The following STK10 variants were observed in gnomAD, a reference collection of about 807,000 sequenced individuals.
STK10 encodes the protein serine/threonine kinase 10.
In STK10, 78 loss-of-function variants were observed where a neutral mutation model predicts 113.8. The observed-to-expected ratio is 0.69, with a 90% CI of 0.57 to 0.83. STK10 has a LOEUF of 0.83. Ranked by LOEUF, STK10 falls within the 40% of genes least tolerant of loss-of-function variation. The pLI is 0.00. For missense variants in STK10, 1,109 were observed against 1,280.1 expected, an observed-to-expected ratio of 0.87 and a Z score of 2.04; for synonymous variants, 465 against 494.7, an observed-to-expected ratio of 0.94 and a Z score of 0.80.
intron 2 of STK10, among the ~76,000 whole-genome samples, chr5:172,136,469 C>A (rs1769862098): frequency 6.6e-6 from 1 of 152,134 alleles, no homozygotes; most frequent in Non-Finnish European, 1.5e-5. Context: ...TGGTGGCAGG[C>A]ACCTGTAGTC....
chr5:172,064,591 G>A (rs1768024155), intron 13 of STK10, 129 bp downstream of exon 13: 1 of 916,004 alleles, frequency 1.1e-6, no homozygotes, highest in Non-Finnish European at 1.7e-6. Context: ...TGAAGGATGA[G>A]GCCAGATTTA....
At chr5:172,098,135 G>A (rs887611366) in intron 7 of STK10, among the ~76,000 whole-genome samples, 4 of 152,172 alleles carry the variant, frequency 2.6e-5, no homozygotes, top group African/African-American at 9.7e-5. Flanking sequence ...GATTGCTGGG[G>A]AAGTATTTAA....
intron 13 of STK10, among the ~76,000 whole-genome samples, chr5:172,062,921 T>A (rs527700126): frequency 3.9e-5 from 6 of 152,318 alleles, no homozygotes; most frequent in African/African-American, 1.2e-4. Context: ...ACCACAATTT[T>A]AAAAAATTAT....
In STK10 at chr5:172,042,696, A is replaced by T. The variant is rs1767404606; in HGVS notation, c.*2186T>A. On this transcript the variant is annotated 3_prime_UTR_variant, in exon 19 of 19. Transcript: ENST00000176763. ...CCCCAGCACCAATGCACCAAAGAGA[A>T]TAAAAGGAGACAATTGTTTCGCTTG... 1 of 152,276 alleles carries T rather than the reference A, an allele frequency of 6.6e-6. No homozygotes were observed. The allele number at this position is 152,276 out of a possible 1,614,324, so 9.4% of individuals were successfully genotyped here.
intron 4 of STK10, chr5:172,114,600 A>C (rs1467304624): frequency 6.9e-6 from 1 of 144,826 alleles, no homozygotes; most frequent in African/African-American, 2.6e-5. Context: ...CTCCTACCTC[A>C]GCCTCCCGAG....
At chr5:172,050,617 G>A (rs1767607305) in intron 18 of STK10, among the ~76,000 whole-genome samples, 1 of 152,068 alleles carries the variant, frequency 6.6e-6, no homozygotes, top group Non-Finnish European at 1.5e-5. Flanking sequence ...AACAAACTAA[G>A]GATATTTACT....
chr5:172,119,003 G>A (rs888919717), intron 3 of STK10, among the ~76,000 whole-genome samples: 1 of 152,016 alleles, frequency 6.6e-6, no homozygotes, highest in African/African-American at 2.4e-5. Context: ...CTGGCTGTTG[G>A]TGGTGGCACC....
At chr5:172,055,183 G>A (rs1484956468) in intron 16 of STK10, among the ~76,000 whole-genome samples, 1 of 152,068 alleles carries the variant, frequency 6.6e-6, no homozygotes, top group African/African-American at 2.4e-5. Flanking sequence ...CTTATGGCGG[G>A]TGGGTCGGAG....
intron 2 of STK10, among the ~76,000 whole-genome samples, chr5:172,141,905 T>C (rs897098304): frequency 5.3e-5 from 8 of 152,086 alleles, no homozygotes; most frequent in African/African-American, 1.4e-4. Flanking sequence ...CGTGTAAGGG[T>C]TGGGGCCTTG....
chr5:172,088,101 T>C (rs903106477), intron 10 of STK10, among the ~76,000 whole-genome samples: 6 of 151,920 alleles, frequency 3.9e-5, no homozygotes, highest in Non-Finnish European at 1.5e-5. Flanking sequence ...AATTTTTTTG[T>C]AGAGACACTA....
chr5:172,132,344 A>T (rs550045627), intron 2 of STK10, among the ~76,000 whole-genome samples: 1 of 152,114 alleles, frequency 6.6e-6, no homozygotes, highest in East Asian at 1.9e-4. Context: ...TAATTTTTTT[A>T]ATTTTTTTAA....
chr5:172,045,530 A>T (rs1240228914), intron 18 of STK10: 1 of 433,602 alleles, frequency 2.3e-6, no homozygotes, highest in Non-Finnish European at 4.6e-6. Flanking sequence ...CCTTTGCCTA[A>T]ACCCAGAGGT....
At position 172,093,421 on chromosome 5, in the gene STK10, C is replaced by A. The variant is rs1464104208; in HGVS notation, c.1545G>T (p.Leu515=). The change falls in exon 9 of 19, where the codon CTG becomes CTT. Residue 515 remains leucine (L), a synonymous_variant. Transcript: ENST00000176763. This position sits in a 1 kb window ranked among gnomAD's most constrained non-coding sequence, Gnocchi z 4.1. ...DLSLNKEMGS[L]SIKDPKLYKK... Reference sequence around the variant, plus strand: ...GCAGAGGCGGTGTTACCTTGATGGACAGAGAGCCCATCTCTTTGTTCAGCG... The same window carrying A: ...GCAGAGGCGGTGTTACCTTGATGGAAAGAGAGCCCATCTCTTTGTTCAGCG... 6 of 1,594,578 alleles carry A rather than the reference C, an allele frequency of 3.8e-6. No homozygotes were observed. Among genetic ancestry groups the A allele is most frequent in the East Asian group, 4.5e-5 (2 of 44,388 alleles).
At chr5:172,121,545 G>A (rs1384565040) in intron 3 of STK10, among the ~76,000 whole-genome samples, 3 of 151,866 alleles carry the variant, frequency 2.0e-5, no homozygotes, top group East Asian at 2.0e-4. Context: ...GGTGGCTCAC[G>A]CCTGTAATCC....
At chr5:172,104,009 A>G (rs1769047712) in intron 7 of STK10, among the ~76,000 whole-genome samples, 1 of 152,194 alleles carries the variant, frequency 6.6e-6, no homozygotes, top group South Asian at 2.1e-4. Flanking sequence ...TCACACTCAT[A>G]ATAACTAAGC....
intron 12 of STK10, among the ~76,000 whole-genome samples, chr5:172,066,340 T>A (rs72841762): frequency 0.21 from 31,634 of 151,736 alleles, 3,903 homozygotes; most frequent in East Asian, 0.37. Context: ...TTTTTCACCC[T>A]TTTGCTCTCC....
At chr5:172,177,940 T>C in intron 1 of STK10, among the ~76,000 whole-genome samples, 1 of 152,182 alleles carries the variant, frequency 6.6e-6, no homozygotes, top group East Asian at 1.9e-4. Context: ...GTGATTTTCC[T>C]GCCTCAGCCT....
At chr5:172,048,824 C>A (rs1291256702) in intron 18 of STK10, among the ~76,000 whole-genome samples, 6 of 150,736 alleles carry the variant, frequency 4.0e-5, no homozygotes, top group African/African-American at 1.5e-4. Flanking sequence ...CCAGACTTTA[C>A]GCAGGCCCCC....
At chr5:172,161,031 C>T (rs1770459290) in intron 1 of STK10, among the ~76,000 whole-genome samples, 1 of 152,202 alleles carries the variant, frequency 6.6e-6, no homozygotes, top group Non-Finnish European at 1.5e-5. Flanking sequence ...GCAACCCTCT[C>T]CCTGGCCAGC....
Sources: gnomAD v4.1 joint callset for allele counts (sites outside exome capture counted in the v4.1 genomes callset) on GRCh38, gnomAD v4.1.1 for gene constraint, Gnocchi (gnomAD v3.1) non-coding constraint, MANE v1.5 for transcripts, NCBI Gene and HGNC (gene_info 2026-07-23, HGNC 2026-07-21) for gene names.